The following NKAIN3 variants were observed in gnomAD, a reference collection of about 807,000 sequenced individuals.
The protein encoded by NKAIN3 is sodium/potassium-transporting ATPase subunit beta-1-interacting protein 3.
A neutral mutation model predicts 30.2 loss-of-function variants in NKAIN3; 25 were observed. That is an observed-to-expected ratio of 0.83 (90% CI 0.60 to 1.16). NKAIN3 has a LOEUF of 1.16. Ranked by LOEUF, NKAIN3 falls within the 50% of genes most tolerant of loss-of-function variation. NKAIN3 has a pLI of 0.00. For synonymous variants in NKAIN3, 91 were observed against 89.6 expected (o/e 1.02, Z -0.09); for missense variants, 225 against 254.1 (o/e 0.89, Z 0.78).
chr8:62,427,238 G>A (rs1208495395), intron 1 of NKAIN3, among the ~76,000 whole-genome samples: 2 of 151,934 alleles, frequency 1.3e-5, no homozygotes, highest in Non-Finnish European at 2.9e-5. Flanking sequence ...TTTTATTATG[G>A]CATTGAAACA....
chr8:62,442,342 A>C (rs1346014338), intron 1 of NKAIN3, among the ~76,000 whole-genome samples: 8 of 151,950 alleles, frequency 5.3e-5, no homozygotes, highest in Non-Finnish European at 1.0e-4. Flanking sequence ...TTTTCTAGAA[A>C]TGTATTCTGT....
At chr8:62,603,623 G>A (rs894974925) in intron 3 of NKAIN3, among the ~76,000 whole-genome samples, 12 of 152,042 alleles carry the variant, frequency 7.9e-5, no homozygotes, top group Non-Finnish European at 1.8e-4. Flanking sequence ...TGCTATAATG[G>A]CATGAGGAAT....
At chr8:62,500,386 A>G (rs1287539172) in intron 1 of NKAIN3, among the ~76,000 whole-genome samples, 2 of 151,598 alleles carry the variant, frequency 1.3e-5, no homozygotes, top group East Asian at 3.9e-4. Flanking sequence ...AAAAATATAG[A>G]ACTTTATAAT....
At chr8:62,528,342 T>TATA (rs1321851744) in intron 1 of NKAIN3, among the ~76,000 whole-genome samples, 372 of 26,766 alleles carry the variant, frequency 0.014, 3 homozygotes, top group African/African-American at 0.053. Flanking sequence ...TATTATATAA[T>TATA]ATATATATAT....
chr8:62,796,383 C>CAAAAAA (rs71255362), intron 4 of NKAIN3, among the ~76,000 whole-genome samples: 8 of 53,756 alleles, frequency 1.5e-4, no homozygotes, highest in East Asian at 7.1e-4. Flanking sequence ...GACTCTGTCT[C>CAAAAAA]AAAAAAAAAA....
At chr8:62,876,777 C>T (rs1820807201) in intron 4 of NKAIN3, among the ~76,000 whole-genome samples, 2 of 151,616 alleles carry the variant, frequency 1.3e-5, no homozygotes, top group East Asian at 3.9e-4. Context: ...AACTCATGGA[C>T]ACAGAGAGGG....
intron 4 of NKAIN3, among the ~76,000 whole-genome samples, chr8:62,752,584 T>C (rs1279873203): frequency 6.6e-6 from 1 of 152,216 alleles, no homozygotes; most frequent in East Asian, 1.9e-4. Flanking sequence ...GAATATATTC[T>C]CATATTTTCA....
At chr8:62,898,012 C>A (rs1821487295) in intron 4 of NKAIN3, among the ~76,000 whole-genome samples, 1 of 152,162 alleles carries the variant, frequency 6.6e-6, no homozygotes, top group Non-Finnish European at 1.5e-5. Flanking sequence ...CAACACAAAA[C>A]AAGCCAAGAC....
At chr8:62,837,153 C>G (rs940595357) in intron 4 of NKAIN3, among the ~76,000 whole-genome samples, 3 of 152,108 alleles carry the variant, frequency 2.0e-5, no homozygotes, top group African/African-American at 7.2e-5. Flanking sequence ...AACGCACTGG[C>G]ATTTATTTTT....
At chr8:62,494,860 C>T (rs1385060861) in intron 1 of NKAIN3, among the ~76,000 whole-genome samples, 2 of 152,030 alleles carry the variant, frequency 1.3e-5, no homozygotes, top group Non-Finnish European at 2.9e-5. Flanking sequence ...GTAATGTCCC[C>T]TTTGTGATTT....
At chr8:62,756,203 C>T (rs1027064547) in intron 4 of NKAIN3, among the ~76,000 whole-genome samples, 2 of 152,146 alleles carry the variant, frequency 1.3e-5, no homozygotes, top group Non-Finnish European at 2.9e-5. Context: ...ACATATTTAT[C>T]ACCTTGGAAA....
At chr8:62,771,812 A>G (rs561025382) in intron 4 of NKAIN3, among the ~76,000 whole-genome samples, 1 of 152,256 alleles carries the variant, frequency 6.6e-6, no homozygotes, top group South Asian at 2.1e-4. Flanking sequence ...TTTATTGGGT[A>G]TGGGAGATAC....
At chr8:62,381,684 G>A (rs1283699396) in intron 1 of NKAIN3, among the ~76,000 whole-genome samples, 1 of 152,104 alleles carries the variant, frequency 6.6e-6, no homozygotes, top group Non-Finnish European at 1.5e-5. Context: ...ATGGAGTGGA[G>A]AGACTTTGAT....
chr8:62,431,293 C>A (rs986247608), intron 1 of NKAIN3, among the ~76,000 whole-genome samples: 15 of 151,820 alleles, frequency 9.9e-5, no homozygotes, highest in African/African-American at 3.6e-4. Flanking sequence ...TAACAAAGAA[C>A]TCTCATTTAA....
chr8:62,863,003 G>T (rs1370112473), intron 4 of NKAIN3: 3 of 563,948 alleles, frequency 5.3e-6, no homozygotes, highest in African/African-American at 1.9e-5. Context: ...ACATATGTTG[G>T]TATGTAACCA....
intron 1 of NKAIN3, among the ~76,000 whole-genome samples, chr8:62,526,170 A>G (rs1321565765): frequency 1.3e-5 from 2 of 152,160 alleles, no homozygotes; most frequent in African/African-American, 4.8e-5. Flanking sequence ...TAGAATAAGA[A>G]AGGGAAGAGC....
chr8:62,365,286 T>C (rs10808723), intron 1 of NKAIN3, among the ~76,000 whole-genome samples: 63,780 of 152,048 alleles, frequency 0.42, 15,641 homozygotes, highest in Non-Finnish European at 0.54. Context: ...GTCTTCCACA[T>C]TGCAGCATTT....
chr8:62,908,870 C>A (rs1322500769), intron 4 of NKAIN3, among the ~76,000 whole-genome samples: 1 of 152,120 alleles, frequency 6.6e-6, no homozygotes, highest in Admixed American at 6.6e-5. Flanking sequence ...TTCTTTTAAG[C>A]TTTAAGGCTT....
intron 4 of NKAIN3, among the ~76,000 whole-genome samples, chr8:62,902,226 G>A (rs1563619695): frequency 6.6e-6 from 1 of 152,174 alleles, no homozygotes; most frequent in African/African-American, 2.4e-5. Context: ...AATACTGAGG[G>A]TGCCCCAAAA....
Sources: allele counts gnomAD v4.1 joint callset (sites outside exome capture counted in the v4.1 genomes callset), GRCh38; gene constraint gnomAD v4.1.1; transcripts MANE v1.5; gene names NCBI Gene and HGNC (gene_info 2026-07-23, HGNC 2026-07-21).